The following CLEC16A variants were observed in gnomAD, a reference collection of about 807,000 sequenced individuals.
The protein encoded by CLEC16A is protein CLEC16A.
A neutral mutation model predicts 109.5 loss-of-function variants in CLEC16A; 51 were observed. The observed-to-expected ratio is 0.47, with a 90% CI of 0.37 to 0.59. The LOEUF (loss-of-function observed/expected upper bound fraction) is 0.59. Ranked by LOEUF, CLEC16A falls within the 20% of genes least tolerant of loss-of-function variation. The pLI, the probability that CLEC16A is intolerant of heterozygous loss-of-function variation, is 0.00. For missense variants in CLEC16A, 1,339 were observed against 1,394.0 expected, an observed-to-expected ratio of 0.96 and a Z score of 0.63; for synonymous variants, 673 against 564.2, an observed-to-expected ratio of 1.19 and a Z score of -2.73.
At chr16:11,079,490 C>T (rs1048081919) in intron 19 of CLEC16A, among the ~76,000 whole-genome samples, 1 of 152,212 alleles carries the variant, frequency 6.6e-6, no homozygotes, top group African/African-American at 2.4e-5. Flanking sequence ...ATACAAGGTT[C>T]AAGGTGAGAT....
In CLEC16A at chr16:11,007,244, T is replaced by C. The variant is rs57193538; in HGVS notation, c.1303+3939T>C. On this transcript the variant is annotated intron_variant, in intron 11 of 23. Coordinates refer to ENST00000409790, the MANE Select transcript of CLEC16A (RefSeq NM_015226.3). ...CAGCAAGGGCATGAAGTAAAGATGA[T>C]AGGCCTTTGAACCTGCCAGGTTAGC... Among the ~76,000 whole-genome samples the C allele has an allele frequency of 2.4e-3, 358 of 152,336 alleles. 4 individuals are homozygous for C. The highest frequency in any genetic ancestry group is 8.1e-3 in the African/African-American group (337 of 41,576).
chr16:11,003,291 G>C lies in CLEC16A; in HGVS notation c.1289G>C (p.Ser430Thr). Residue 430 changes from serine (S) to threonine (T), a missense_variant, in exon 11 of 24, where the codon AGT (serine) becomes ACT (threonine). Ser to Thr is a moderately conservative substitution (Grantham distance 58). This residue lies in a region of CLEC16A where 1,061 missense variants were observed against 1,006.8 expected (regional missense o/e 1.05). Coordinates refer to ENST00000409790, the MANE Select transcript of CLEC16A (RefSeq NM_015226.3). ...GGTGGTTCAAAAGGCATCAAGACGAGTGGGGAGAGTGAAGGTGAGTGTCCC... is the reference window on the plus strand; with the variant it reads ...GGTGGTTCAAAAGGCATCAAGACGACTGGGGAGAGTGAAGGTGAGTGTCCC... ...TEGGSKGIKT[S>T]GESEEIEMVI... The C allele has an allele frequency of 6.2e-7, 1 of 1,611,966 alleles. No individual in the cohort carries two copies. Among genetic ancestry groups the C allele is most frequent in the Non-Finnish European group, 8.5e-7 (1 of 1,179,636 alleles).
chr16:11,047,078 G>T (rs2047672564), intron 16 of CLEC16A, among the ~76,000 whole-genome samples: 1 of 152,050 alleles, frequency 6.6e-6, no homozygotes, highest in Non-Finnish European at 1.5e-5. Context: ...AAAAAGGAAG[G>T]AGAAAATTTT....
At position 11,178,924 on chromosome 16, in the gene CLEC16A, A is replaced by G; in HGVS notation, c.*234A>G. On this transcript the variant is annotated 3_prime_UTR_variant, in exon 24 of 24. Transcript: ENST00000409790. This position sits in a 1 kb window ranked among gnomAD's most constrained non-coding sequence, Gnocchi z 6.5. Reference sequence around the variant, plus strand: ...TGGGACCAGCGGAGACACCGCGGCGAATGCAGATGACTGCACCGGCCACTC... The same window carrying G: ...TGGGACCAGCGGAGACACCGCGGCGGATGCAGATGACTGCACCGGCCACTC... 1 of 479,530 alleles carries G rather than the reference A, an allele frequency of 2.1e-6. No individual in the cohort carries two copies. Among genetic ancestry groups the G allele is most frequent in the South Asian group, 4.0e-5 (1 of 24,810 alleles). The allele number at this position is 479,530 out of a possible 1,614,324, so 29.7% of individuals were successfully genotyped here. A position where few individuals can be genotyped will look rare whatever the true frequency, so the allele number is the denominator to read the frequency against.
chr16:11,027,803 A>G, intron 13 of CLEC16A: 1 of 849,290 alleles, frequency 1.2e-6, no homozygotes, highest in Non-Finnish European at 1.9e-6. Context: ...TGATCAATGA[A>G]GTGGAAGCAT....
chr16:11,141,413 C>T (rs1021006211), intron 22 of CLEC16A, among the ~76,000 whole-genome samples: 3 of 152,188 alleles, frequency 2.0e-5, no homozygotes, highest in African/African-American at 7.2e-5. Context: ...CAGGGGGATA[C>T]CTGAAGTGGT....
chr16:10,989,143 G>A (rs918678068), intron 10 of CLEC16A, among the ~76,000 whole-genome samples: 15 of 152,324 alleles, frequency 9.8e-5, no homozygotes, highest in African/African-American at 3.6e-4. Context: ...TGTGTATACT[G>A]TGTGTATACT....
At chr16:10,951,861 C>G (rs1047541807) in intron 1 of CLEC16A, among the ~76,000 whole-genome samples, 1 of 152,218 alleles carries the variant, frequency 6.6e-6, no homozygotes, top group Non-Finnish European at 1.5e-5. Context: ...TGTTATCACT[C>G]ACACAATTAG....
intron 19 of CLEC16A, among the ~76,000 whole-genome samples, chr16:11,101,191 C>T (rs2050893886): frequency 6.6e-6 from 1 of 152,196 alleles, no homozygotes. Flanking sequence ...TTACATTTCA[C>T]TGAATAATGA....
chr16:11,086,637 G>A (rs1409813453), intron 19 of CLEC16A, among the ~76,000 whole-genome samples: 1 of 152,176 alleles, frequency 6.6e-6, no homozygotes, highest in Admixed American at 6.5e-5. Flanking sequence ...CCGCCTCCCA[G>A]GTTCAAGCGA....
At chr16:10,951,287 A>T (rs2041717822) in intron 1 of CLEC16A, among the ~76,000 whole-genome samples, 1 of 152,250 alleles carries the variant, frequency 6.6e-6, no homozygotes, top group Non-Finnish European at 1.5e-5. Flanking sequence ...ATATGAGAAT[A>T]CTGGCTCTTT....
At chr16:11,125,200 A>T (rs1466311551) in intron 21 of CLEC16A, among the ~76,000 whole-genome samples, 2 of 152,184 alleles carry the variant, frequency 1.3e-5, no homozygotes, top group African/African-American at 4.8e-5. Context: ...TTTCTCACTT[A>T]GCTGAAACTT....
At chr16:11,078,350 A>G (rs2049508410) in intron 19 of CLEC16A, among the ~76,000 whole-genome samples, 1 of 152,188 alleles carries the variant, frequency 6.6e-6, no homozygotes, top group African/African-American at 2.4e-5. Context: ...GCCAGTGTTG[A>G]GAACCATGGG....
At chr16:10,993,171 C>T (rs1418147685) in intron 10 of CLEC16A, among the ~76,000 whole-genome samples, 1 of 152,024 alleles carries the variant, frequency 6.6e-6, no homozygotes, top group Non-Finnish European at 1.5e-5. Context: ...GTGGGCAGAT[C>T]ACTTGAGGCC....
Position 11,125,959 on chromosome 16 carries a change from A to G in CLEC16A, c.2474-20A>G, listed in dbSNP as rs200102124. On this transcript the variant is annotated intron_variant, in intron 21 of 23. Coordinates refer to ENST00000409790, the MANE Select transcript of CLEC16A (RefSeq NM_015226.3). Reference sequence around the variant, plus strand: ...CTATCCCACATGCTCAGAGTGAACCATGCTATTGTTTGACCGTAGCCCTCC... The same window carrying G: ...CTATCCCACATGCTCAGAGTGAACCGTGCTATTGTTTGACCGTAGCCCTCC... The G allele has an allele frequency of 2.5e-5, 34 of 1,355,154 alleles. No homozygotes were observed. Among genetic ancestry groups the G allele is most frequent in the Non-Finnish European group, 3.2e-5 (33 of 1,024,290 alleles). The allele number at this position is 1,355,154 out of a possible 1,614,324, so 83.9% of individuals were successfully genotyped here.
At chr16:11,118,373 GT>G (rs34921004) in intron 19 of CLEC16A, among the ~76,000 whole-genome samples, 106,545 of 152,002 alleles carry the variant, frequency 0.7, 38,716 homozygotes, top group African/African-American at 0.89. Context: ...GATAAGGGAC[GT>G]TAATTCTCAT....
At chr16:11,067,769 T>TGTCC (rs2048851855) in intron 19 of CLEC16A, among the ~76,000 whole-genome samples, 1 of 152,126 alleles carries the variant, frequency 6.6e-6, no homozygotes, top group African/African-American at 2.4e-5. Flanking sequence ...TAAGAGGTGG[T>TGTCC]GTCCACAAGC....
At chr16:10,972,657 G>T (rs1321206579) in intron 6 of CLEC16A, 98 bp downstream of exon 6, 2 of 1,135,774 alleles carry the variant, frequency 1.8e-6, no homozygotes, top group Admixed American at 4.0e-5. Flanking sequence ...GTCTAGCTCA[G>T]TCTGCTACTG....
chr16:11,020,013 C>A (rs997297331), intron 11 of CLEC16A, among the ~76,000 whole-genome samples, 180 bp from the exon 12 acceptor site: 9 of 152,212 alleles, frequency 5.9e-5, no homozygotes, highest in African/African-American at 1.9e-4. Context: ...GAAAGAGAGG[C>A]TCTGGCCTCT....
Sources: gnomAD v4.1 joint callset for allele counts (sites outside exome capture counted in the v4.1 genomes callset) on GRCh38, gnomAD v4.1.1 for gene constraint, gnomAD v4.1.1 regional missense constraint, Gnocchi (gnomAD v3.1) non-coding constraint, MANE v1.5 for transcripts, NCBI Gene and HGNC (gene_info 2026-07-23, HGNC 2026-07-21) for gene names.